Variants in GULP1 observed in about 807,000 individuals in gnomAD.
GULP1 encodes PTB domain-containing engulfment adapter protein 1.
In GULP1, 19 loss-of-function variants were observed where a neutral mutation model predicts 40.9. That is an observed-to-expected ratio of 0.46 (90% CI 0.32 to 0.68). The LOEUF (loss-of-function observed/expected upper bound fraction) is 0.68, where lower values mean the gene tolerates loss of function less well. GULP1 is among the 30% of genes least tolerant of loss of function. The pLI is 0.03. For missense variants in GULP1, 312 were observed against 362.2 expected (o/e 0.86, Z 1.12); for synonymous variants, 119 against 117.6 (o/e 1.01, Z -0.08).
chr2:188,443,401 T>C (rs1051455907), intron 2 of GULP1, among the ~76,000 whole-genome samples: 44 of 152,166 alleles, frequency 2.9e-4, no homozygotes, highest in African/African-American at 1.1e-3. Context: ...AAGCCACATC[T>C]ATCACATTGT....
intron 4 of GULP1, among the ~76,000 whole-genome samples, chr2:188,492,962 T>A (rs1575585914): frequency 6.6e-6 from 1 of 152,088 alleles, no homozygotes; most frequent in Admixed American, 6.6e-5. Flanking sequence ...CCACCCCAGT[T>A]TTTGTTTCTT....
chr2:188,409,498 T>G (rs2053586113), intron 2 of GULP1, among the ~76,000 whole-genome samples: 1 of 152,192 alleles, frequency 6.6e-6, no homozygotes, highest in African/African-American at 2.4e-5. Context: ...CAGGACTTAA[T>G]GCCTTCATTA....
intron 3 of GULP1, among the ~76,000 whole-genome samples, chr2:188,478,257 G>C (rs1055811859): frequency 6.6e-6 from 1 of 152,020 alleles, no homozygotes; most frequent in African/African-American, 2.4e-5. Flanking sequence ...ATATTATAGT[G>C]ATCACTATAG....
chr2:188,591,902 C>T (rs556300851), intron 11 of GULP1: 4 of 151,632 alleles, frequency 2.6e-5, no homozygotes, highest in South Asian at 2.1e-4. Context: ...TTTTGTGTGA[C>T]GTTAGCTTAT....
chr2:188,554,533 T>G (rs942625874), intron 7 of GULP1, among the ~76,000 whole-genome samples: 1 of 151,430 alleles, frequency 6.6e-6, no homozygotes, highest in Admixed American at 6.6e-5. Flanking sequence ...TTTTTTTTTC[T>G]AATTTGTTGA....
chr2:188,584,133 G>T (rs748332010), intron 9 of GULP1, 132 bp from the exon 10 acceptor site: 4 of 565,810 alleles, frequency 7.1e-6, no homozygotes, highest in African/African-American at 3.8e-5. Context: ...ACTATTTTTG[G>T]TCTACAAAAT....
At chr2:188,362,447 A>G (rs532407186) in intron 1 of GULP1, among the ~76,000 whole-genome samples, 34 of 152,244 alleles carry the variant, frequency 2.2e-4, no homozygotes, top group South Asian at 2.1e-4. Context: ...TGCACGTGAT[A>G]TTATTGATGA....
intron 7 of GULP1, among the ~76,000 whole-genome samples, chr2:188,560,185 C>G (rs2153407823): frequency 6.6e-6 from 1 of 152,208 alleles, no homozygotes; most frequent in South Asian, 2.1e-4. Flanking sequence ...ATGAGTATAG[C>G]TTGTTAGAAG....
chr2:188,378,835 G>T (rs2048642924), intron 1 of GULP1, among the ~76,000 whole-genome samples: 1 of 152,148 alleles, frequency 6.6e-6, no homozygotes, highest in Non-Finnish European at 1.5e-5. Context: ...TCAACATGAG[G>T]TTTGGAGGGT....
Position 188,570,026 on chromosome 2 carries a change from A to T in GULP1, c.517-2A>T. The T allele has an allele frequency of 8.8e-7, 1 of 1,133,752 alleles. No individual in the cohort carries two copies. The highest frequency in any genetic ancestry group is 1.3e-6 in the Non-Finnish European group (1 of 773,540). 70.2% of individuals were successfully genotyped at this position (1,133,752 alleles called of 1,614,324 possible). ...GTTATTCAATAATGATTTTCTTTTT[A>T]GATCCAAGACTTAGAAACAGAAAAT... On this transcript the variant is annotated splice_acceptor_variant, in intron 8 of 11. Transcript: ENST00000409830. LOFTEE classifies it high-confidence loss of function.
At chr2:188,467,954 A>G (rs1195149124) in intron 2 of GULP1, among the ~76,000 whole-genome samples, 1 of 152,134 alleles carries the variant, frequency 6.6e-6, no homozygotes, top group Non-Finnish European at 1.5e-5. Flanking sequence ...ATTTGTTTCC[A>G]TAAAAAGCTT....
intron 6 of GULP1, among the ~76,000 whole-genome samples, chr2:188,536,650 G>A (rs1381079501): frequency 6.6e-6 from 1 of 152,018 alleles, no homozygotes; most frequent in Non-Finnish European, 1.5e-5. Context: ...GGTTAAAATT[G>A]CTCTGGCTAT....
chr2:188,462,688 T>A (rs1163771786), intron 2 of GULP1, among the ~76,000 whole-genome samples: 1 of 152,126 alleles, frequency 6.6e-6, no homozygotes, highest in Admixed American at 6.6e-5. Context: ...TGTCTTTTCT[T>A]ACAGTTTCTT....
At chr2:188,559,844 G>A (rs577610455) in intron 7 of GULP1, among the ~76,000 whole-genome samples, 12 of 152,174 alleles carry the variant, frequency 7.9e-5, no homozygotes, top group African/African-American at 1.7e-4. Flanking sequence ...TCATCAGGGC[G>A]GTTTCCCACA....
At chr2:188,549,110 C>T (rs184629928) in intron 7 of GULP1, among the ~76,000 whole-genome samples, 1 of 151,906 alleles carries the variant, frequency 6.6e-6, no homozygotes, top group Non-Finnish European at 1.5e-5. Flanking sequence ...ATATACTGAA[C>T]TTTTGAAAAC....
intron 4 of GULP1, among the ~76,000 whole-genome samples, chr2:188,490,296 T>C (rs1355736740): frequency 6.6e-6 from 1 of 152,112 alleles, no homozygotes. Context: ...AAGTATCCGA[T>C]CCTGTTCAAC....
chr2:188,585,929 T>C (rs1702278146), intron 10 of GULP1, among the ~76,000 whole-genome samples: 1 of 152,232 alleles, frequency 6.6e-6, no homozygotes, highest in African/African-American at 2.4e-5. Context: ...TTCCAAACTT[T>C]TTGCTCTGCT....
intron 1 of GULP1, among the ~76,000 whole-genome samples, chr2:188,300,085 T>C (rs1474760218): frequency 6.6e-6 from 1 of 152,214 alleles, no homozygotes; most frequent in Non-Finnish European, 1.5e-5. Flanking sequence ...CTTGTTTTTC[T>C]TTCTTTTTTT....
intron 2 of GULP1, among the ~76,000 whole-genome samples, chr2:188,445,705 G>A (rs2058328240): frequency 6.6e-6 from 1 of 152,114 alleles, no homozygotes; most frequent in Non-Finnish European, 1.5e-5. Context: ...AGATTTTTGG[G>A]ACATTTAGAA....
Sources: gnomAD v4.1 joint callset for allele counts (sites outside exome capture counted in the v4.1 genomes callset) on GRCh38, gnomAD v4.1.1 for gene constraint, MANE v1.5 for transcripts, NCBI Gene and HGNC (gene_info 2026-07-23, HGNC 2026-07-21) for gene names.